MRPL23: variants seen among roughly 807,000 people sequenced by gnomAD.
The protein encoded by MRPL23 is large ribosomal subunit protein uL23m.
For synonymous variants in MRPL23, 12 were observed against 34.8 expected (o/e 0.35, Z 2.30); for missense variants, 25 against 81.3 (o/e 0.31, Z 2.66).
At chr11:1,989,192 G>A (rs568992842), downstream of MRPL23, among the ~76,000 whole-genome samples, 20 of 100,332 alleles carry the variant, frequency 2.0e-4, 4 homozygotes, top group Non-Finnish European at 2.2e-4. Context: ...GGGCGGCTCC[G>A]TGGGAAAGTC....
downstream of MRPL23, among the ~76,000 whole-genome samples, chr11:1,989,095 A>G (rs1300869131): frequency 7.2e-6 from 1 of 138,736 alleles, no homozygotes; most frequent in Non-Finnish European, 1.6e-5. Flanking sequence ...GCAAGCACTT[A>G]AAAGAGACCC....
At chr11:1,971,160 C>T (rs543415404) in intron 4 of MRPL23, among the ~76,000 whole-genome samples, 1 of 142,352 alleles carries the variant, frequency 7.0e-6, no homozygotes, top group African/African-American at 2.5e-5. Flanking sequence ...ATGCTGTGGC[C>T]GCTCCAGCCC....
At chr11:1,993,625 C>T in the MRPL23 span, 1 of 61,136 alleles carries the variant, frequency 1.6e-5, no homozygotes, top group African/African-American at 3.8e-5. Flanking sequence ...GCTTTGTAAA[C>T]CTCCTGCAGA....
rs753082021 is a variant in MRPL23 at position 1,956,273 on chromosome 11, C to T, written c.315C>T (p.Phe105=). Residue 105 remains phenylalanine, a synonymous_variant, in exon 5 of 5, where the codon TTC becomes TTT. Transcript: ENST00000397298. The part of the protein sequence containing the change: ...AYVQLAHGQT[F]TFPDLFPEKD... ...CCCCTTAGGCCCATGGACAGACCTTCACGTTCCCAGATCTGTTTCCCGAGA... is the reference window on the plus strand; with the variant it reads ...CCCCTTAGGCCCATGGACAGACCTTTACGTTCCCAGATCTGTTTCCCGAGA... The T allele has an allele frequency of 9.9e-6, 15 of 1,520,314 alleles. 4 individuals carry two copies. In the South Asian group the frequency reaches 1.6e-4, roughly 17 times the overall value. The allele number at this position is 1,520,314 out of a possible 1,614,324, so 94.2% of individuals were successfully genotyped here.
intron 5 of MRPL23, among the ~76,000 whole-genome samples, chr11:1,981,623 GC>G (rs1015711019): frequency 4.4e-5 from 5 of 113,772 alleles, no homozygotes; most frequent in African/African-American, 1.5e-4. Flanking sequence ...CCTCCGTGTG[GC>G]AAATGAGGTG....
chr11:1,991,593 T>G, the MRPL23 span, among the ~76,000 whole-genome samples: 1 of 123,340 alleles, frequency 8.1e-6, no homozygotes, highest in Admixed American at 8.0e-5. Flanking sequence ...CACACACCCG[T>G]GCACACCCAT....
At position 1,971,209 on chromosome 11, in the gene MRPL23, G is replaced by C. The variant is rs1193012321; in HGVS notation, c.298-1350G>C. Among the ~76,000 whole-genome samples the C allele has an allele frequency of 4.6e-5, 6 of 129,326 alleles. No homozygotes were observed. The East Asian group carries it at 1.4e-3, about 29-fold the overall frequency. 84.8% of individuals were successfully genotyped at this position (129,326 alleles called of 152,430 possible). On this transcript the variant is annotated intron_variant, in intron 4 of 4. Transcript: ENST00000397294. ...TGCGTGGGTTCAGGAGCCAGCCCCT[G>C]CAAGCCTGCCTTAGCCCAAGCCGCC... is the stretch of plus-strand genomic sequence containing the variant.
chr11:1,989,185 C>T (rs1240945877), downstream of MRPL23, among the ~76,000 whole-genome samples: 2 of 101,488 alleles, frequency 2.0e-5, no homozygotes, highest in Non-Finnish European at 5.4e-5. Flanking sequence ...GGCCTGGGGG[C>T]GGCTCCGTGG....
chr11:1,971,291 C>T lies in MRPL23; in HGVS notation c.298-1268C>T, dbSNP rs1235007271. Reference sequence around the variant, plus strand: ...CTCCACCTTCCAGCCACACAGAGGGCCCCCCAGTGCGCCCCTGGAACTCCT... The same window carrying T: ...CTCCACCTTCCAGCCACACAGAGGGTCCCCCAGTGCGCCCCTGGAACTCCT... On this transcript the variant is annotated intron_variant, in intron 4 of 4. Coordinates refer to the MRPL23 transcript ENST00000397294. Among the ~76,000 whole-genome samples, 2 of 108,480 alleles carry T rather than the reference C, an allele frequency of 1.8e-5. 1 individual carries two copies. Among genetic ancestry groups the T allele is most frequent in the Non-Finnish European group, 4.5e-5 (2 of 44,130 alleles). The allele number at this position is 108,480 out of a possible 152,430, so 71.2% of individuals were successfully genotyped here.
the MRPL23 span, chr11:2,001,533 GA>G: frequency 1.4e-5 from 1 of 71,314 alleles, no homozygotes; most frequent in Non-Finnish European, 2.0e-5. Context: ...TGAGGCTCTG[GA>G]AAATGCACTG....
In MRPL23 at chr11:1,950,681, G is replaced by A. The variant is rs1206007885; in HGVS notation, c.18-218G>A. Among the ~76,000 whole-genome samples the A allele has an allele frequency of 1.2e-4, 4 of 34,374 alleles. 2 individuals are homozygous for A. Among genetic ancestry groups the A allele is most frequent in the African/African-American group, 2.5e-4 (4 of 16,024 alleles). 22.6% of individuals were successfully genotyped at this position (34,374 alleles called of 152,430 possible). A position where few individuals can be genotyped will look rare whatever the true frequency, so the allele number is the denominator to read the frequency against. ...TGCAGGGTTAGCTACCCTGTTTCCC[G>A]CCCACCACTGTTGGGAGTGGACACG... On this transcript the variant is annotated intron_variant, in intron 1 of 4. Coordinates refer to ENST00000397298, the MANE Select transcript of MRPL23 (RefSeq NM_021134.4).
At chr11:1,993,289 T>G in the MRPL23 span, 1 of 93,076 alleles carries the variant, frequency 1.1e-5, no homozygotes, top group African/African-American at 3.0e-5. Context: ...AGCGTGTCAT[T>G]CATACACCCC....
At chr11:1,979,158 TC>T (rs2119578461) in intron 5 of MRPL23, among the ~76,000 whole-genome samples, 1 of 135,558 alleles carries the variant, frequency 7.4e-6, no homozygotes, top group South Asian at 3.0e-4. Flanking sequence ...GGTGGAGAAG[TC>T]CCCGTTATCA....
At chr11:1,978,522 T>A (rs1213829475) in intron 5 of MRPL23, among the ~76,000 whole-genome samples, 1 of 97,978 alleles carries the variant, frequency 1.0e-5, no homozygotes, top group African/African-American at 3.6e-5. Context: ...GAGGCCGAGG[T>A]GGGTGGATCA....
chr11:1,991,549 A>ACC, the MRPL23 span, among the ~76,000 whole-genome samples: 1 of 8,050 alleles, frequency 1.2e-4, no homozygotes, highest in African/African-American at 3.5e-4. Context: ...CTTGTCAGGC[A>ACC]TCACACACAC....
rs1379487821 is a variant in MRPL23 at position 1,953,684 on chromosome 11, G to T, written c.297+829G>T. On this transcript the variant is annotated intron_variant, in intron 4 of 4. Coordinates refer to ENST00000397298, the MANE Select transcript of MRPL23 (RefSeq NM_021134.4). Reference sequence around the variant, plus strand: ...TGTCTTCCGGTGTAAATGGTCCCTGGAGGCCGAGCCGGCGGGCCCTGCCAC... The same window carrying T: ...TGTCTTCCGGTGTAAATGGTCCCTGTAGGCCGAGCCGGCGGGCCCTGCCAC... Among the ~76,000 whole-genome samples, 3 of 101,100 alleles carry T rather than the reference G, an allele frequency of 3.0e-5. 1 individual carries two copies. Among genetic ancestry groups the T allele is most frequent in the Non-Finnish European group, 5.9e-5 (3 of 50,790 alleles). The allele number at this position is 101,100 out of a possible 152,430, so 66.3% of individuals were successfully genotyped here.
chr11:1,988,750 C>T (rs535251118), downstream of MRPL23, among the ~76,000 whole-genome samples: 2 of 137,350 alleles, frequency 1.5e-5, no homozygotes, highest in East Asian at 2.2e-4. Flanking sequence ...CTTTTCCCCG[C>T]CCCCGCCTTT....
chr11:1,964,026 C>T (rs1856512323), downstream of MRPL23, among the ~76,000 whole-genome samples: 2 of 144,546 alleles, frequency 1.4e-5, no homozygotes, highest in South Asian at 2.5e-4. Flanking sequence ...GGCCGTCCCT[C>T]CTCCGGCAGT....
the MRPL23 span, among the ~76,000 whole-genome samples, chr11:1,991,434 A>G: frequency 7.2e-5 from 3 of 41,630 alleles, no homozygotes; most frequent in Middle Eastern, 0.01. Context: ...TGTGGTTACC[A>G]CAGCCTTAAG....
Sources: allele counts gnomAD v4.1 joint callset (sites outside exome capture counted in the v4.1 genomes callset), GRCh38; gene constraint gnomAD v4.1.1; transcripts MANE v1.5; gene names NCBI Gene and HGNC (gene_info 2026-07-23, HGNC 2026-07-21).